Variants in SPRN observed in about 807,000 individuals in gnomAD.
SPRN encodes the protein shadow of prion protein.
For missense variants in SPRN, 312 were observed against 241.4 expected, an observed-to-expected ratio of 1.29 and a Z score of -1.94; for synonymous variants, 182 against 123.4, an observed-to-expected ratio of 1.48 and a Z score of -3.15.
chr10:133,424,321 C>T (rs1363823812), intron 1 of SPRN, among the ~76,000 whole-genome samples, 152 bp downstream of exon 1: 1 of 143,390 alleles, frequency 7.0e-6, no homozygotes. Context: ...CAATGCCGTC[C>T]CCGGCCGCCT....
In SPRN at chr10:133,423,173, C is replaced by T; in HGVS notation, c.*53G>A. 7.3e-7 allele frequency: 1 copy of T among 1,363,256 alleles called. No individual in the cohort carries two copies. Among genetic ancestry groups the T allele is most frequent in the Non-Finnish European group, 9.5e-7 (1 of 1,054,920 alleles). The allele number at this position is 1,363,256 out of a possible 1,614,324, so 84.4% of individuals were successfully genotyped here. On this transcript the variant is annotated 3_prime_UTR_variant, in exon 2 of 2. Coordinates refer to ENST00000685335, the MANE Select transcript of SPRN (RefSeq NM_001391974.1). ...AAGGGGGAGCCCAGGCCGGAGGATC[C>T]TGGGGGATGGCGCGGGCCGGGGGCC... is the stretch of plus-strand genomic sequence containing the variant.
Position 133,423,108 on chromosome 10 carries a change from C to G in SPRN, c.*118G>C, listed in dbSNP as rs1850283583. 1 of 1,087,692 alleles carries G rather than the reference C, an allele frequency of 9.2e-7. No individual in the cohort carries two copies. Among genetic ancestry groups the G allele is most frequent in the Non-Finnish European group, 1.3e-6 (1 of 790,600 alleles). The allele number at this position is 1,087,692 out of a possible 1,614,324, so 67.4% of individuals were successfully genotyped here. ...GGGTCCACAGGGACAGCCAGCAGCT[C>G]CTGCACCCAGTGGGGCTCCAAGACC... On this transcript the variant is annotated 3_prime_UTR_variant, in exon 2 of 2. Coordinates refer to ENST00000685335, the MANE Select transcript of SPRN (RefSeq NM_001391974.1).
In SPRN at chr10:133,420,749, C is replaced by G. The variant is rs375257298; in HGVS notation, c.*2477G>C. ...CCCAGCAGCAGAGCCCAAGCACTGG[C>G]TTCGCCCCTCAGTGCCCTGGGGCAT... On this transcript the variant is annotated 3_prime_UTR_variant, in exon 2 of 2. Coordinates refer to ENST00000685335, the MANE Select transcript of SPRN (RefSeq NM_001391974.1). 14 of 152,738 alleles carry G rather than the reference C, an allele frequency of 9.2e-5. No homozygotes were observed. The highest frequency in any genetic ancestry group is 3.4e-4 in the African/African-American group (14 of 41,606). The allele number at this position is 152,738 out of a possible 1,614,324, so 9.5% of individuals were successfully genotyped here.
rs1284624932 is a variant in SPRN, at chr10:133,422,524, G to A, written c.*702C>T. On this transcript the variant is annotated 3_prime_UTR_variant, in exon 2 of 2. Transcript: ENST00000685335. ...AGGGTAAAGTGACTTGTTTCAAGTT[G>A]TTGGAGCAAAGTGGGTCTCTCACGG... 1 of 152,372 alleles carries A rather than the reference G, an allele frequency of 6.6e-6. No homozygotes were observed. The highest frequency in any genetic ancestry group is 2.4e-5 in the African/African-American group (1 of 41,468). 9.4% of individuals were successfully genotyped at this position (152,372 alleles called of 1,614,324 possible). A position where few individuals can be genotyped will look rare whatever the true frequency, so the allele number is the denominator to read the frequency against.
rs1024575341 is a variant in SPRN at position 133,423,290 on chromosome 10, C to T, written c.392G>A (p.Arg131His). ...RAWTSGAGPT[R>H]GPRLCLVLGG... The stretch of plus-strand genomic sequence containing the variant: ...CAGCACGAGACAGAGACGCGGGCCG[C>T]GCGTGGGTCCAGCGCCCGAAGTCCA... The change falls in exon 2 of 2, where the codon CGC (arginine) becomes CAC (histidine). Residue 131 changes from arginine (R) to histidine (H), a missense_variant. Transcript: ENST00000685335. 2.0e-6 allele frequency: 3 copies of T among 1,518,288 alleles called. No homozygotes were observed. In the African/African-American group the frequency reaches 4.3e-5, roughly 22 times the overall value. 94.1% of individuals were successfully genotyped at this position (1,518,288 alleles called of 1,614,324 possible).
chr10:133,424,267 G>C (rs1850318628), intron 1 of SPRN, among the ~76,000 whole-genome samples: 2 of 127,522 alleles, frequency 1.6e-5, no homozygotes, highest in Non-Finnish European at 3.3e-5. Context: ...CGCCCCAGCA[G>C]ACCCGTGCCC....
Position 133,421,073 on chromosome 10 carries a change from C to T in SPRN, c.*2153G>A, listed in dbSNP as rs1387814143. 1 of 152,348 alleles carries T rather than the reference C, an allele frequency of 6.6e-6. No homozygotes were observed. The highest frequency in any genetic ancestry group is 1.5e-5 in the Non-Finnish European group (1 of 68,160). The allele number at this position is 152,348 out of a possible 1,614,324, so 9.4% of individuals were successfully genotyped here. On this transcript the variant is annotated 3_prime_UTR_variant, in exon 2 of 2. Transcript: ENST00000685335. ...GGGCCAGGGACATCCTGTGCAGAAG[C>T]TCCGGCTGCCTCTTTGCGGTGGTGG...
rs1441088366 is a variant in SPRN at position 133,423,199 on chromosome 10, A to C, written c.*27T>G. On this transcript the variant is annotated 3_prime_UTR_variant, in exon 2 of 2. Coordinates refer to ENST00000685335, the MANE Select transcript of SPRN (RefSeq NM_001391974.1). ...TGGGGGATGGCGCGGGCCGGGGGCCAGATGTGGTCCCCGAGCCCAGCCAGG... is the reference window on the plus strand; with the variant it reads ...TGGGGGATGGCGCGGGCCGGGGGCCCGATGTGGTCCCCGAGCCCAGCCAGG... 7.2e-7 allele frequency: 1 copy of C among 1,393,746 alleles called. No individual in the cohort carries two copies. Among genetic ancestry groups the C allele is most frequent in the Non-Finnish European group, 9.3e-7 (1 of 1,072,972 alleles). The allele number at this position is 1,393,746 out of a possible 1,614,324, so 86.3% of individuals were successfully genotyped here.
chr10:133,421,733 C>T lies in SPRN; in HGVS notation c.*1493G>A, dbSNP rs1850239020. The T allele has an allele frequency of 6.5e-6, 1 of 153,278 alleles. No homozygotes were observed. The highest frequency in any genetic ancestry group is 2.4e-5 in the African/African-American group (1 of 41,460). 9.5% of individuals were successfully genotyped at this position (153,278 alleles called of 1,614,324 possible). ...AACAGCTTCCAGATCCTCACCCAGGCCAGAACCCAGGCCAGCTGGGGAAGG... is the reference window on the plus strand; with the variant it reads ...AACAGCTTCCAGATCCTCACCCAGGTCAGAACCCAGGCCAGCTGGGGAAGG... On this transcript the variant is annotated 3_prime_UTR_variant, in exon 2 of 2. Coordinates refer to ENST00000685335, the MANE Select transcript of SPRN (RefSeq NM_001391974.1).
In SPRN at chr10:133,421,875, T is replaced by TG. The variant is rs1422832640; in HGVS notation, c.*1350dup. On this transcript the variant is annotated 3_prime_UTR_variant, in exon 2 of 2. Transcript: ENST00000685335. ...TGAGGGCGAGGCTGTCCCCAGGACA[T>TG]GGAGAGGGTGAGATCCCAAGGCCAC... The TG allele has an allele frequency of 7.5e-6, 1 of 134,178 alleles. No homozygotes were observed. The highest frequency in any genetic ancestry group is 2.8e-5 in the African/African-American group (1 of 35,734). 8.3% of individuals were successfully genotyped at this position (134,178 alleles called of 1,614,324 possible). A position where few individuals can be genotyped will look rare whatever the true frequency, so the allele number is the denominator to read the frequency against.
rs1293118673 is a variant in SPRN at position 133,423,373 on chromosome 10, C to T, written c.309G>A (p.Glu103=). 1.3e-6 allele frequency: 2 copies of T among 1,508,444 alleles called. No homozygotes were observed. Among genetic ancestry groups the T allele is most frequent in the South Asian group, 1.2e-5 (1 of 81,072 alleles). 93.4% of individuals were successfully genotyped at this position (1,508,444 alleles called of 1,614,324 possible). A position where few individuals can be genotyped will look rare whatever the true frequency, so the allele number is the denominator to read the frequency against. The change falls in exon 2 of 2, where the codon GAG becomes GAA. Residue 103 remains glutamate (E), a synonymous_variant. Coordinates refer to ENST00000685335, the MANE Select transcript of SPRN (RefSeq NM_001391974.1). ...CGTTGCCTCCGGGCACCCCGTCCTC[C>T]TCGTCCTCCAGGCCGCGTTCCCCGG... ...AGPGERGLED[E]EDGVPGGNGT...
intron 1 of SPRN, 110 bp from the exon 2 acceptor site, chr10:133,423,807 G>A (rs1272805777): frequency 1.0e-4 from 76 of 747,930 alleles, no homozygotes; most frequent in African/African-American, 1.8e-4. Flanking sequence ...TGGGATCAGG[G>A]TGCCCCCAGC....
intron 1 of SPRN, among the ~76,000 whole-genome samples, chr10:133,424,198 T>C (rs1236201040): frequency 1.4e-5 from 2 of 137,990 alleles, no homozygotes; most frequent in African/African-American, 5.7e-5. Context: ...GGCCAAAGCC[T>C]GGGTGCGGGC....
Position 133,423,506 on chromosome 10 carries a change from G to A in SPRN, c.176C>T (p.Ala59Val), listed in dbSNP as rs925541224. 3 of 1,169,754 alleles carry A rather than the reference G, an allele frequency of 2.6e-6. No homozygotes were observed. Among genetic ancestry groups the A allele is most frequent in the Non-Finnish European group, 3.2e-6 (3 of 950,296 alleles). The allele number at this position is 1,169,754 out of a possible 1,614,324, so 72.5% of individuals were successfully genotyped here. Residue 59 changes from alanine to valine, a missense_variant, in exon 2 of 2, where the codon GCC becomes GTC. Ala to Val is a moderately conservative substitution (Grantham distance 64, BLOSUM62 0). Coordinates refer to ENST00000685335, the MANE Select transcript of SPRN (RefSeq NM_001391974.1). Reference protein sequence around the residue: ...VRVRPAQRYGAPGSSLRVAAA... With the variant: ...VRVRPAQRYGVPGSSLRVAAA... ...AGCCACGCGCAGGGAGGAGCCCGGG[G>A]CACCGTAGCGCTGCGCCGGCCTCAC...
rs1221647231 is a variant in SPRN at position 133,421,903 on chromosome 10, C to CGGGG, written c.*1319_*1322dup. 6.7e-5 allele frequency: 9 copies of CGGGG among 134,464 alleles called. 2 individuals are homozygous for CGGGG. In the East Asian group the frequency reaches 1.4e-3, roughly 21 times the overall value. 8.3% of individuals were successfully genotyped at this position (134,464 alleles called of 1,614,324 possible). ...AGAGGGTGAGATCCCAAGGCCACGG[C>CGGGG]GGGGGGCAGGGAGAACCCCTCCTAC... On this transcript the variant is annotated 3_prime_UTR_variant, in exon 2 of 2. Coordinates refer to ENST00000685335, the MANE Select transcript of SPRN (RefSeq NM_001391974.1).
rs1296383923 is a variant in SPRN at position 133,423,322 on chromosome 10, G to A, written c.360C>T (p.Tyr120=). The A allele has an allele frequency of 9.9e-6, 15 of 1,522,806 alleles. No individual in the cohort carries two copies. In the Middle Eastern group the frequency reaches 7.2e-4, roughly 73 times the overall value. The allele number at this position is 1,522,806 out of a possible 1,614,324, so 94.3% of individuals were successfully genotyped here. ...GTCCAGCGCCCGAAGTCCACGCCCG[G>A]TAGCTGTAGATGCCGGGGCCTGTCC... ...GNGTGPGIYS[Y]RAWTSGAGPT... is the part of the protein sequence containing the mutation. The change falls in exon 2 of 2, where the codon TAC becomes TAT. Residue 120 remains tyrosine, a synonymous_variant. Coordinates refer to ENST00000685335, the MANE Select transcript of SPRN (RefSeq NM_001391974.1).
intron 1 of SPRN, among the ~76,000 whole-genome samples, chr10:133,423,919 G>T (rs1280011894): frequency 2.0e-5 from 3 of 152,266 alleles, no homozygotes; most frequent in Non-Finnish European, 4.4e-5. Context: ...GGGGCAGGAG[G>T]GTTCTGCACC....
chr10:133,423,510 C>G lies in SPRN; in HGVS notation c.172G>C (p.Gly58Arg), dbSNP rs1182545724. 11 of 1,179,812 alleles carry G rather than the reference C, an allele frequency of 9.3e-6. No homozygotes were observed. The highest frequency in any genetic ancestry group is 1.1e-5 in the Non-Finnish European group (11 of 957,562). The allele number at this position is 1,179,812 out of a possible 1,614,324, so 73.1% of individuals were successfully genotyped here. The stretch of plus-strand genomic sequence containing the variant: ...ACGCGCAGGGAGGAGCCCGGGGCAC[C>G]GTAGCGCTGCGCCGGCCTCACGCGC... ...RVRVRPAQRY[G>R]APGSSLRVAA... is the part of the protein sequence containing the mutation. The change falls in exon 2 of 2, where the codon GGT (glycine) becomes CGT (arginine). Residue 58 changes from glycine to arginine, a missense_variant. Transcript: ENST00000685335.
At position 133,423,272 on chromosome 10, in the gene SPRN, A is replaced by C; in HGVS notation, c.410T>G (p.Leu137Arg). ...GGCTCCGAGGGCGCCGCCCAGCACG[A>C]GACAGAGACGCGGGCCGCGCGTGGG... ...AGPTRGPRLC[L>R]VLGGALGALG... Residue 137 changes from leucine to arginine, a missense_variant, in exon 2 of 2, where the codon CTC becomes CGC. Physicochemically the swap from Leu to Arg is moderately radical, Grantham distance 102. Transcript: ENST00000685335. 1 of 1,513,096 alleles carries C rather than the reference A, an allele frequency of 6.6e-7. No individual in the cohort carries two copies. Among genetic ancestry groups the C allele is most frequent in the South Asian group, 1.2e-5 (1 of 81,366 alleles). 93.7% of individuals were successfully genotyped at this position (1,513,096 alleles called of 1,614,324 possible). A position where few individuals can be genotyped will look rare whatever the true frequency, so the allele number is the denominator to read the frequency against.
Sources: allele counts gnomAD v4.1 joint callset (sites outside exome capture counted in the v4.1 genomes callset), GRCh38; gene constraint gnomAD v4.1.1; transcripts MANE v1.5; gene names NCBI Gene and HGNC (gene_info 2026-07-23, HGNC 2026-07-21).